SUPT3H: variants seen among roughly 807,000 people sequenced by gnomAD.
SUPT3H encodes SPT3 homolog, SAGA and STAGA complex component.
A neutral mutation model predicts 44.3 loss-of-function variants in SUPT3H; 44 were observed. The observed-to-expected ratio is 0.99, with a 90% CI of 0.78 to 1.28. SUPT3H has a LOEUF of 1.28. SUPT3H is among the 50% of genes most tolerant of loss of function. The pLI, the probability that SUPT3H is intolerant of heterozygous loss-of-function variation, is 0.00. For synonymous variants in SUPT3H, 124 were observed against 125.6 expected (o/e 0.99, Z 0.09); for missense variants, 380 against 387.1 (o/e 0.98, Z 0.15).
At chr6:44,946,772 A>G (rs936678943) in intron 9 of SUPT3H, among the ~76,000 whole-genome samples, 2 of 152,234 alleles carry the variant, frequency 1.3e-5, no homozygotes, top group Non-Finnish European at 2.9e-5. Context: ...CAAAGGACTT[A>G]GACTTAGTTC....
intron 10 of SUPT3H, among the ~76,000 whole-genome samples, chr6:44,847,310 T>C (rs1772039754): frequency 1.3e-5 from 2 of 152,224 alleles, no homozygotes; most frequent in Non-Finnish European, 2.9e-5. Flanking sequence ...TCAGCCATGA[T>C]TGGTTATAAC....
intron 10 of SUPT3H, among the ~76,000 whole-genome samples, chr6:44,893,376 C>A (rs577610299): frequency 2.6e-5 from 4 of 152,106 alleles, no homozygotes; most frequent in East Asian, 1.9e-4. Context: ...ATCCCTCCCC[C>A]CTGCCCCCAC....
At chr6:45,101,723 T>C (rs1297220404) in intron 3 of SUPT3H, among the ~76,000 whole-genome samples, 1 of 152,154 alleles carries the variant, frequency 6.6e-6, no homozygotes. Context: ...TCATTATACA[T>C]TGTATACATG....
At chr6:44,817,108 T>TCACA (rs35760659) in intron 11 of SUPT3H, among the ~76,000 whole-genome samples, 62,200 of 149,834 alleles carry the variant, frequency 0.42, 13,124 homozygotes, top group East Asian at 0.68. Context: ...ACATACATAT[T>TCACA]CACACACACA....
intron 2 of SUPT3H, among the ~76,000 whole-genome samples, chr6:45,209,309 G>A (rs1177991181): frequency 6.6e-6 from 1 of 152,156 alleles, no homozygotes; most frequent in Non-Finnish European, 1.5e-5. Context: ...TCTGACAGAT[G>A]TGGGCAAAGT....
intron 2 of SUPT3H, among the ~76,000 whole-genome samples, chr6:45,185,735 G>A (rs1814096436): frequency 1.3e-5 from 2 of 152,208 alleles, no homozygotes; most frequent in Non-Finnish European, 2.9e-5. Context: ...TTTGTGTTCT[G>A]AACTGCAATT....
intron 3 of SUPT3H, among the ~76,000 whole-genome samples, chr6:45,023,274 A>C (rs1201631225): frequency 6.6e-6 from 1 of 151,956 alleles, no homozygotes; most frequent in African/African-American, 2.4e-5. Context: ...AAAAAAAAAA[A>C]CAAACCAGAT....
chr6:45,225,732 TA>T (rs1242379458), intron 2 of SUPT3H, among the ~76,000 whole-genome samples: 12 of 152,196 alleles, frequency 7.9e-5, no homozygotes, highest in African/African-American at 2.9e-4. Context: ...TGCTGTAGAA[TA>T]AAACATACAA....
At chr6:45,029,672 A>G (rs1786615929) in intron 3 of SUPT3H, among the ~76,000 whole-genome samples, 1 of 152,214 alleles carries the variant, frequency 6.6e-6, no homozygotes, top group South Asian at 2.1e-4. Context: ...GCAAAGGCAC[A>G]TTTTAGAAAT....
At chr6:45,212,046 T>A (rs1764177697) in intron 2 of SUPT3H, among the ~76,000 whole-genome samples, 1 of 151,350 alleles carries the variant, frequency 6.6e-6, no homozygotes, top group African/African-American at 2.4e-5. Context: ...CATGCCTGTA[T>A]TACCAGCTAC....
intron 3 of SUPT3H, among the ~76,000 whole-genome samples, chr6:45,061,570 C>T (rs1006709128): frequency 1.3e-5 from 2 of 152,010 alleles, no homozygotes; most frequent in African/African-American, 2.4e-5. Flanking sequence ...CAAACCTGCA[C>T]GTCCTGCACA....
chr6:44,905,670 G>C (rs919738326), intron 10 of SUPT3H, among the ~76,000 whole-genome samples: 4 of 152,058 alleles, frequency 2.6e-5, no homozygotes, highest in African/African-American at 7.2e-5. Flanking sequence ...CCATTACTGG[G>C]TATATACCCA....
chr6:45,005,607 A>C (rs989404265), intron 5 of SUPT3H, among the ~76,000 whole-genome samples: 3 of 151,368 alleles, frequency 2.0e-5, no homozygotes, highest in Non-Finnish European at 4.4e-5. Context: ...AGGCTGAGGC[A>C]GGAGAATCGC....
chr6:45,002,332 G>A (rs571984671), intron 6 of SUPT3H, among the ~76,000 whole-genome samples: 1 of 151,906 alleles, frequency 6.6e-6, no homozygotes, highest in South Asian at 2.1e-4. Context: ...CTTGATTGTG[G>A]AATGCCCTTT....
rs368752647 is a variant in SUPT3H at position 45,146,590 on chromosome 6, A to G, written c.102-40584T>C. Reference sequence around the variant, plus strand: ...CACAAACTATTGAAATAAAAATAAAATAGATATTTTGTTTCTTACTCATCT... The same window carrying G: ...CACAAACTATTGAAATAAAAATAAAGTAGATATTTTGTTTCTTACTCATCT... On this transcript the variant is annotated intron_variant, in intron 2 of 10. Transcript: ENST00000371459. Among the ~76,000 whole-genome samples the G allele has an allele frequency of 5.7e-4, 87 of 152,286 alleles. 1 individual carries two copies. The South Asian group carries it at 0.015, about 27-fold the overall frequency.
At chr6:44,989,244 T>C (rs1780266310) in intron 6 of SUPT3H, among the ~76,000 whole-genome samples, 1 of 152,190 alleles carries the variant, frequency 6.6e-6, no homozygotes, top group Non-Finnish European at 1.5e-5. Flanking sequence ...TATTTTTCTT[T>C]CTGTGTCTGG....
At chr6:44,999,840 AT>A (rs1300881994) in intron 6 of SUPT3H, among the ~76,000 whole-genome samples, 3 of 151,928 alleles carry the variant, frequency 2.0e-5, no homozygotes, top group Non-Finnish European at 1.5e-5. Context: ...GTAACATAAA[AT>A]TATTGCCTTT....
chr6:44,812,276 G>C (rs1304151629), intron 11 of SUPT3H, among the ~76,000 whole-genome samples: 1 of 152,018 alleles, frequency 6.6e-6, no homozygotes, highest in Non-Finnish European at 1.5e-5. Flanking sequence ...CAGATTGTTG[G>C]GAGAACTCAG....
At chr6:44,887,693 A>G (rs547441062) in intron 10 of SUPT3H, among the ~76,000 whole-genome samples, 235 of 151,666 alleles carry the variant, frequency 1.5e-3, no homozygotes, top group African/African-American at 5.5e-3. Context: ...ACACCCTAAC[A>G]TCACAATTAA....
Sources: gnomAD v4.1 joint callset for allele counts (sites outside exome capture counted in the v4.1 genomes callset) on GRCh38, gnomAD v4.1.1 for gene constraint, MANE v1.5 for transcripts, NCBI Gene and HGNC (gene_info 2026-07-23, HGNC 2026-07-21) for gene names.